The following WDR45B variants were observed in gnomAD, a reference collection of about 807,000 sequenced individuals.
WDR45B encodes WD repeat domain 45B.
WDR45B carries 20 observed loss-of-function variants against 44.6 expected under a neutral mutation model. The ratio of observed to expected loss-of-function variants is 0.45; its 90% CI spans 0.32 to 0.65. WDR45B has a LOEUF of 0.65. Ranked by LOEUF, WDR45B falls within the 30% of genes least tolerant of loss-of-function variation. WDR45B has a pLI of 0.05. For synonymous variants in WDR45B, 169 were observed against 164.9 expected (o/e 1.02, Z -0.19); for missense variants, 323 against 430.2 (o/e 0.75, Z 2.20).
chr17:82,617,050 C>G (rs1047741056), intron 8 of WDR45B, among the ~76,000 whole-genome samples: 1 of 152,190 alleles, frequency 6.6e-6, no homozygotes, highest in Non-Finnish European at 1.5e-5. Context: ...CTCCTGACCT[C>G]AGGTGATCTG....
At chr17:82,643,356 C>T (rs1441773242) in intron 2 of WDR45B, among the ~76,000 whole-genome samples, 1 of 152,042 alleles carries the variant, frequency 6.6e-6, no homozygotes, top group Non-Finnish European at 1.5e-5. Context: ...CCGCTTGAAC[C>T]CGGGAGGCGG....
At chr17:82,648,135 G>A (rs2046005830) in intron 1 of WDR45B, 139 bp downstream of exon 1, 9 of 1,008,774 alleles carry the variant, frequency 8.9e-6, no homozygotes, top group East Asian at 3.1e-5. Context: ...CGGGGGCTTC[G>A]GAGGGGAGCT....
intron 1 of WDR45B, among the ~76,000 whole-genome samples, chr17:82,646,488 C>CAAAAAAAAAAAAAAAAAAAAAAAAAA (rs779661551): frequency 2.5e-4 from 5 of 19,944 alleles, no homozygotes; most frequent in Non-Finnish European, 3.9e-4. Flanking sequence ...AACTCCGTCT[C>CAAAAAAAAAAAAAAAAAAAAAAAAAA]AAAAAAAAAA....
intron 1 of WDR45B, among the ~76,000 whole-genome samples, 183 bp downstream of exon 1, chr17:82,648,091 G>A (rs1248916344): frequency 2.7e-5 from 4 of 149,834 alleles, no homozygotes; most frequent in East Asian, 4.0e-4. Context: ...TCCGGACCCC[G>A]GCTCGGGCTG....
intron 9 of WDR45B, 120 bp from the exon 10 acceptor site, chr17:82,616,145 T>A: frequency 1.0e-6 from 1 of 977,140 alleles, no homozygotes; most frequent in Non-Finnish European, 1.6e-6. Context: ...CTGAAAGCCC[T>A]GAAAGGCCCC....
intron 2 of WDR45B, among the ~76,000 whole-genome samples, chr17:82,641,033 T>G (rs1376593400): frequency 7.1e-6 from 1 of 141,584 alleles, no homozygotes; most frequent in Non-Finnish European, 1.5e-5. Flanking sequence ...TGGCGCAATC[T>G]CGGCTCACTG....
intron 6 of WDR45B, among the ~76,000 whole-genome samples, chr17:82,619,705 A>G (rs1409688620): frequency 6.6e-6 from 1 of 152,218 alleles, no homozygotes; most frequent in Admixed American, 6.5e-5. Context: ...GACAGCTGGG[A>G]AAACGAGAAC....
intron 3 of WDR45B, among the ~76,000 whole-genome samples, chr17:82,629,096 T>C (rs935620470): frequency 6.6e-6 from 1 of 152,192 alleles, no homozygotes; most frequent in African/African-American, 2.4e-5. Context: ...GAATACTGCT[T>C]TCTTCTAAGT....
chr17:82,636,777 C>T (rs1180731581), intron 2 of WDR45B, among the ~76,000 whole-genome samples: 1 of 151,996 alleles, frequency 6.6e-6, no homozygotes, highest in African/African-American at 2.4e-5. Flanking sequence ...CTACCCGCTT[C>T]CCGTCAACTC....
At chr17:82,619,171 CTT>C in intron 6 of WDR45B, 43 bp from the exon 7 acceptor site, 1 of 1,594,168 alleles carries the variant, frequency 6.3e-7, no homozygotes, top group Non-Finnish European at 8.6e-7. Flanking sequence ...AGATTCAAAA[CTT>C]TTTCGTTAGT....
At chr17:82,624,624 G>GGTT (rs2045668346) in intron 5 of WDR45B, among the ~76,000 whole-genome samples, 2 of 143,748 alleles carry the variant, frequency 1.4e-5, no homozygotes, top group East Asian at 4.2e-4. Flanking sequence ...ATTTATTGAA[G>GGTT]TTTTTTTTTT....
chr17:82,626,124 G>T (rs1275242320), intron 4 of WDR45B, among the ~76,000 whole-genome samples: 2 of 151,664 alleles, frequency 1.3e-5, no homozygotes, highest in South Asian at 4.2e-4. Flanking sequence ...CTTGTGATCC[G>T]CCTGCCTCAG....
intron 7 of WDR45B, among the ~76,000 whole-genome samples, chr17:82,617,820 T>C (rs945887785): frequency 1.3e-5 from 2 of 152,216 alleles, no homozygotes; most frequent in East Asian, 1.9e-4. Context: ...GGGGCAGGCA[T>C]TGGCCGTGTG....
Position 82,617,281 on chromosome 17 carries a change from C to CA in WDR45B, c.806+14dup, listed in dbSNP as rs1267133140. 6.2e-6 allele frequency: 10 copies of CA among 1,610,604 alleles called. No individual in the cohort carries two copies. The highest frequency in any genetic ancestry group is 8.5e-6 in the Non-Finnish European group (10 of 1,178,762). The stretch of plus-strand genomic sequence containing the variant: ...CATCCCCCGGCTTTTCCCCAGCAGG[C>CA]ATCCTAACACCTACCTGGACTGTTT... On this transcript the variant is annotated intron_variant, in intron 8 of 9. Transcript: ENST00000392325.
intron 3 of WDR45B, chr17:82,629,843 G>A (rs1215310022): frequency 1.6e-5 from 16 of 985,004 alleles, no homozygotes; most frequent in Non-Finnish European, 1.8e-5. Context: ...TCCTAAGTAC[G>A]TGATATCACC....
chr17:82,618,964 C>G lies in WDR45B; in HGVS notation c.704+79G>C. ...TCGGGGGAGGGTGGCTGCTCCTACC[C>G]CCTCTCCCAAATCCCAAAGGCCCAC... On this transcript the variant is annotated intron_variant, in intron 7 of 9. Transcript: ENST00000392325. The G allele has an allele frequency of 4.3e-6, 6 of 1,384,064 alleles. 1 individual carries two copies. The South Asian group carries it at 5.8e-5, about 13-fold the overall frequency. The allele number at this position is 1,384,064 out of a possible 1,614,324, so 85.7% of individuals were successfully genotyped here.
chr17:82,625,186 C>G (rs2045679046), intron 5 of WDR45B, among the ~76,000 whole-genome samples: 1 of 152,160 alleles, frequency 6.6e-6, no homozygotes, highest in South Asian at 2.1e-4. Context: ...GGGGCCCCCA[C>G]TCTGTGACTC....
chr17:82,632,877 T>A (rs570634507), intron 2 of WDR45B, among the ~76,000 whole-genome samples: 1 of 151,898 alleles, frequency 6.6e-6, no homozygotes, highest in Admixed American at 6.6e-5. Flanking sequence ...AAAATAAAAA[T>A]TAAAAAATTC....
At chr17:82,645,611 A>G (rs530073689) in intron 1 of WDR45B, among the ~76,000 whole-genome samples, 1 of 152,236 alleles carries the variant, frequency 6.6e-6, no homozygotes, top group South Asian at 2.1e-4. Context: ...TATTTGTACT[A>G]TCTACTATAC....
Sources: gnomAD v4.1 joint callset for allele counts (sites outside exome capture counted in the v4.1 genomes callset) on GRCh38, gnomAD v4.1.1 for gene constraint, MANE v1.5 for transcripts, NCBI Gene and HGNC (gene_info 2026-07-23, HGNC 2026-07-21) for gene names.